ZNF454: variants seen among roughly 807,000 people sequenced by gnomAD.
The protein encoded by ZNF454 is zinc finger protein 454.
In ZNF454, 30 loss-of-function variants were observed where a neutral mutation model predicts 48.2. That is an observed-to-expected ratio of 0.62 (90% CI 0.47 to 0.84). The LOEUF is 0.84. Ranked by LOEUF, ZNF454 falls within the 40% of genes least tolerant of loss-of-function variation. The pLI is 0.00. For synonymous variants in ZNF454, 204 were observed against 211.4 expected, an observed-to-expected ratio of 0.97 and a Z score of 0.30; for missense variants, 510 against 623.1, an observed-to-expected ratio of 0.82 and a Z score of 1.93.
At chr5:178,964,512 T>C in intron 4 of ZNF454, 143 bp from the exon 5 acceptor site, 1 of 715,896 alleles carries the variant, frequency 1.4e-6, no homozygotes, top group East Asian at 2.5e-5. Context: ...TTCACCCCTC[T>C]TTTCTGTCCT....
chr5:178,966,579 A>G (rs936231367), downstream of ZNF454: 30 of 152,212 alleles, frequency 2.0e-4, no homozygotes, highest in African/African-American at 6.3e-4. Flanking sequence ...TGGTTTATCA[A>G]ATTACATTTT....
At chr5:178,974,042 C>CT in the ZNF454 span, among the ~76,000 whole-genome samples, 1 of 151,962 alleles carries the variant, frequency 6.6e-6, no homozygotes, top group Admixed American at 6.6e-5. Context: ...GATGTCATGA[C>CT]TAAACAGATT....
chr5:178,942,589 C>T (rs1377025336), intron 1 of ZNF454, 96 bp from the exon 2 acceptor site: 5 of 536,600 alleles, frequency 9.3e-6, no homozygotes, highest in African/African-American at 1.9e-5. Context: ...AAAACACTCA[C>T]TGCTTGGGGT....
intron 4 of ZNF454, among the ~76,000 whole-genome samples, chr5:178,951,121 G>A (rs945260648): frequency 6.6e-6 from 1 of 152,118 alleles, no homozygotes; most frequent in African/African-American, 2.4e-5. Context: ...GCCTCCCAAA[G>A]TGCTGGGATT....
At chr5:178,961,524 C>T (rs907640622) in intron 4 of ZNF454, among the ~76,000 whole-genome samples, 8 of 151,430 alleles carry the variant, frequency 5.3e-5, no homozygotes, top group African/African-American at 1.9e-4. Context: ...TAAAAATTAA[C>T]AGCATTTTTG....
chr5:178,986,446 A>G, the ZNF454 span: 3 of 1,613,188 alleles, frequency 1.9e-6, no homozygotes, highest in Non-Finnish European at 1.7e-6. Context: ...GGTGGCCACC[A>G]CCGTGGTAGT....
intron 4 of ZNF454, among the ~76,000 whole-genome samples, chr5:178,959,932 CTTTCTTTTCT>C (rs550320065): frequency 2.7e-5 from 4 of 147,230 alleles, no homozygotes; most frequent in Admixed American, 6.9e-5. Flanking sequence ...TTCTTTTTTT[CTTTCTTTTCT>C]TTTCTTTTCT....
chr5:178,989,169 G>A, the ZNF454 span: 3 of 1,605,744 alleles, frequency 1.9e-6, no homozygotes, highest in South Asian at 2.2e-5. Flanking sequence ...AGTGTGCCCG[G>A]CCCCCATGCA....
At chr5:178,987,086 C>T in the ZNF454 span, 6 of 1,167,954 alleles carry the variant, frequency 5.1e-6, no homozygotes, top group Non-Finnish European at 7.4e-6. Flanking sequence ...GCTTAACAAG[C>T]ATCACTGCTC....
the ZNF454 span, chr5:178,981,873 G>T: frequency 2.0e-6 from 3 of 1,471,404 alleles, no homozygotes; most frequent in South Asian, 1.1e-5. The surrounding 1 kb of genome is among the most constrained non-coding windows in gnomAD (Gnocchi z 5.1). Context: ...TGGAAGAGGG[G>T]ACCAGATGGG....
Position 178,965,993 on chromosome 5 carries a change from G to T in ZNF454, c.*20G>T. On this transcript the variant is annotated 3_prime_UTR_variant, in exon 5 of 5. Transcript: ENST00000519564. The surrounding 1 kb of genome is among the most constrained non-coding windows in gnomAD (Gnocchi z 5.2). The stretch of plus-strand genomic sequence containing the variant: ...AAGTGATATGAATGCAGTTTGTATG[G>T]AAGACCTTTGAGACTGAGTAGATGA... 3.3e-6 allele frequency: 5 copies of T among 1,516,792 alleles called. No homozygotes were observed. Among genetic ancestry groups the T allele is most frequent in the Admixed American group, 2.1e-5 (1 of 46,900 alleles). 94.0% of individuals were successfully genotyped at this position (1,516,792 alleles called of 1,614,324 possible).
rs765138061 is a variant in ZNF454 at position 178,956,866 on chromosome 5, C to T, written c.251-7789C>T. ...GAATACAGGCGCCCGCCACCATGCC[C>T]GGCTAATTTTTTGTATTTTTTGTTT... On this transcript the variant is annotated intron_variant, in intron 4 of 4. Coordinates refer to ENST00000519564, the MANE Select transcript of ZNF454 (RefSeq NM_001178089.3). The T allele has an allele frequency of 9.3e-5, 34 of 364,464 alleles. 1 individual carries two copies. The highest frequency in any genetic ancestry group is 1.6e-4 in the South Asian group (8 of 49,364). The allele number at this position is 364,464 out of a possible 1,614,324, so 22.6% of individuals were successfully genotyped here.
At chr5:178,971,270 C>T (rs572184517), downstream of ZNF454, among the ~76,000 whole-genome samples, 3 of 152,144 alleles carry the variant, frequency 2.0e-5, no homozygotes, top group East Asian at 3.9e-4. Flanking sequence ...AGACAGGAGT[C>T]GGCGGGGAGT....
chr5:178,987,668 G>A, the ZNF454 span, among the ~76,000 whole-genome samples: 3 of 152,164 alleles, frequency 2.0e-5, no homozygotes, highest in Non-Finnish European at 4.4e-5. Flanking sequence ...GAGGGGATGG[G>A]GAAGTGTTTA....
the ZNF454 span, chr5:178,989,200 T>TCCCCCC: frequency 7.5e-7 from 1 of 1,333,674 alleles, no homozygotes; most frequent in Non-Finnish European, 1.0e-6. Context: ...CCTCCCGCCT[T>TCCCCCC]CCCCCTCCCC....
the ZNF454 span, chr5:178,989,338 G>A: frequency 1.9e-6 from 3 of 1,613,702 alleles, no homozygotes; most frequent in African/African-American, 1.3e-5. Context: ...TCTCTTCCCA[G>A]AACTCGGCGA....
At chr5:178,957,530 C>T (rs10043049) in intron 4 of ZNF454, among the ~76,000 whole-genome samples, 85,575 of 151,672 alleles carry the variant, frequency 0.56, 24,666 homozygotes, top group Non-Finnish European at 0.62. Context: ...CTGCCTCAGC[C>T]TCCCGAGTAG....
At chr5:178,959,236 A>C (rs182171060) in intron 4 of ZNF454, among the ~76,000 whole-genome samples, 1 of 152,196 alleles carries the variant, frequency 6.6e-6, no homozygotes, top group East Asian at 1.9e-4. Context: ...CTTTTCCCCC[A>C]TTGTACTGCA....
rs956802687 is a variant in ZNF454 at position 178,941,771 on chromosome 5, C to T, written c.-108+327C>T. On this transcript the variant is annotated intron_variant, in intron 1 of 4. Transcript: ENST00000519564. This position sits in a 1 kb window ranked among gnomAD's most constrained non-coding sequence, Gnocchi z 5.5. ...CCTAACCCTTCCCTCTCCCCTCCCGCCCAGCTCACACAAACGCCGCTTCTG... is the reference window on the plus strand; with the variant it reads ...CCTAACCCTTCCCTCTCCCCTCCCGTCCAGCTCACACAAACGCCGCTTCTG... Among the ~76,000 whole-genome samples the T allele has an allele frequency of 6.6e-6, 1 of 152,166 alleles. No individual in the cohort carries two copies. The highest frequency in any genetic ancestry group is 1.5e-5 in the Non-Finnish European group (1 of 68,022).
Sources: gnomAD v4.1 joint callset for allele counts (sites outside exome capture counted in the v4.1 genomes callset) on GRCh38, gnomAD v4.1.1 for gene constraint, Gnocchi (gnomAD v3.1) non-coding constraint, MANE v1.5 for transcripts, NCBI Gene and HGNC (gene_info 2026-07-23, HGNC 2026-07-21) for gene names.